The following MICAL3 variants were observed in gnomAD, a reference collection of about 807,000 sequenced individuals.
MICAL3 encodes microtubule associated monooxygenase, calponin and LIM domain containing 3.
MICAL3 carries 62 observed loss-of-function variants against 207.4 expected under a neutral mutation model. The ratio of observed to expected loss-of-function variants is 0.30; its 90% CI spans 0.24 to 0.37. The LOEUF (loss-of-function observed/expected upper bound fraction) is 0.37, where lower values mean the gene tolerates loss of function less well. MICAL3 is among the 10% of genes least tolerant of loss of function. MICAL3 has a pLI of 1.00. For synonymous variants in MICAL3, 1,077 were observed against 1,069.3 expected, an observed-to-expected ratio of 1.01 and a Z score of -0.14; for missense variants, 2,368 against 2,635.6, an observed-to-expected ratio of 0.90 and a Z score of 2.22.
chr22:17,910,299 T>C (rs1334249735), intron 1 of MICAL3, among the ~76,000 whole-genome samples: 1 of 152,148 alleles, frequency 6.6e-6, no homozygotes, highest in Non-Finnish European at 1.5e-5. Context: ...AACAACCCCA[T>C]GGCTGGTTGT....
chr22:17,885,858 A>G lies in MICAL3; in HGVS notation c.2241+20T>C. On this transcript the variant is annotated intron_variant, in intron 16 of 31. Coordinates refer to ENST00000441493, the MANE Select transcript of MICAL3 (RefSeq NM_015241.3). ...GTGATCTGACCAAATCGGTGTGGGC[A>G]GGGCACGGGTTGGGTTTACCTGTCT... 1.2e-6 allele frequency: 2 copies of G among 1,612,424 alleles called. No individual in the cohort carries two copies. Among genetic ancestry groups the G allele is most frequent in the Non-Finnish European group, 1.7e-6 (2 of 1,178,606 alleles).
At chr22:17,923,271 T>G (rs1327574567) in intron 1 of MICAL3, among the ~76,000 whole-genome samples, 1 of 152,194 alleles carries the variant, frequency 6.6e-6, no homozygotes, top group African/African-American at 2.4e-5. Flanking sequence ...CCCTACCCTG[T>G]CCGGAGCATA....
chr22:17,933,334 A>T (rs1202925644), intron 1 of MICAL3, among the ~76,000 whole-genome samples: 3 of 152,236 alleles, frequency 2.0e-5, no homozygotes, highest in Non-Finnish European at 2.9e-5. Context: ...AAACCACACA[A>T]CTACATGGAA....
intron 1 of MICAL3, among the ~76,000 whole-genome samples, chr22:17,982,471 G>A (rs957661784): frequency 4.6e-5 from 7 of 152,174 alleles, no homozygotes; most frequent in African/African-American, 1.7e-4. Flanking sequence ...AGGAGTTCAA[G>A]ACCAGCCTGG....
chr22:17,968,306 C>G (rs59518246), intron 1 of MICAL3, among the ~76,000 whole-genome samples: 7,869 of 152,144 alleles, frequency 0.052, 668 homozygotes, highest in African/African-American at 0.18. Flanking sequence ...GCCTAGCAAC[C>G]TTGCCAGAGC....
At chr22:17,939,220 C>T (rs1569139860) in intron 1 of MICAL3, among the ~76,000 whole-genome samples, 2 of 152,182 alleles carry the variant, frequency 1.3e-5, no homozygotes, top group African/African-American at 2.4e-5. Context: ...CCCCTGACAC[C>T]GCCCCTCAAC....
intron 1 of MICAL3, among the ~76,000 whole-genome samples, chr22:17,997,928 CAA>C (rs35872228): frequency 0.015 from 2,124 of 141,682 alleles, 25 homozygotes; most frequent in Middle Eastern, 0.039. Context: ...CTTCCGCTTC[CAA>C]AAAAAAAAAA....
At chr22:17,882,826 C>T (rs988531716) in intron 16 of MICAL3, among the ~76,000 whole-genome samples, 5 of 152,224 alleles carry the variant, frequency 3.3e-5, no homozygotes, top group African/African-American at 7.2e-5. Flanking sequence ...ACAGAACCTG[C>T]GTTTGACTTT....
intron 20 of MICAL3, among the ~76,000 whole-genome samples, chr22:17,835,979 G>A (rs552387281): frequency 8.5e-5 from 13 of 152,216 alleles, no homozygotes; most frequent in Non-Finnish European, 1.8e-4. Flanking sequence ...ACTGTCCCCC[G>A]GTAAAGCCTC....
intron 1 of MICAL3, among the ~76,000 whole-genome samples, chr22:17,989,019 G>A (rs541535060): frequency 1.3e-5 from 2 of 152,078 alleles, no homozygotes; most frequent in East Asian, 1.9e-4. Context: ...ACTCCTCCCC[G>A]GCTGATCTTG....
intron 1 of MICAL3, among the ~76,000 whole-genome samples, chr22:17,988,728 T>G (rs1775635347): frequency 6.6e-6 from 1 of 152,212 alleles, no homozygotes; most frequent in African/African-American, 2.4e-5. Flanking sequence ...AGTGCTGGGA[T>G]TACAGGCATG....
At chr22:17,965,031 C>T (rs1197003646) in intron 1 of MICAL3, among the ~76,000 whole-genome samples, 1 of 152,110 alleles carries the variant, frequency 6.6e-6, no homozygotes, top group Non-Finnish European at 1.5e-5. Context: ...CAGGTGTCTC[C>T]CACTCCCTGC....
intron 20 of MICAL3, chr22:17,834,484 G>T: frequency 7.9e-7 from 1 of 1,268,940 alleles, no homozygotes; most frequent in African/African-American, 1.5e-5. Context: ...GGGAGGCTGA[G>T]GTGGGTGGAT....
chr22:17,966,011 G>T (rs998670518), intron 1 of MICAL3, among the ~76,000 whole-genome samples: 1 of 152,128 alleles, frequency 6.6e-6, no homozygotes. Flanking sequence ...TGGGCCACAG[G>T]GCACACAGGC....
intron 19 of MICAL3, among the ~76,000 whole-genome samples, chr22:17,858,000 A>T (rs1457906815): frequency 1.3e-5 from 2 of 152,232 alleles, no homozygotes; most frequent in Admixed American, 1.3e-4. Flanking sequence ...ATATTCAGAA[A>T]GTGTTCATAA....
Position 17,899,506 on chromosome 22 carries a change from T to C in MICAL3, c.890A>G (p.His297Arg). 6.2e-7 allele frequency: 1 copy of C among 1,609,426 alleles called. No homozygotes were observed. The highest frequency in any genetic ancestry group is 8.5e-7 in the Non-Finnish European group (1 of 1,177,542). ...CTTTTTGGCTGTCATAACGAAATAG[T>C]GTGTGTCATCTTTGTAGTAAACGAT... ...ENIVYYKDDTHYFVMTAKKQS... is the reference protein window; with the variant it reads ...ENIVYYKDDTRYFVMTAKKQS... The change falls in exon 7 of 32, where the codon CAC (histidine) becomes CGC (arginine). Residue 297 changes from histidine to arginine, a missense_variant. Physicochemically the swap from His to Arg is conservative, Grantham distance 29. This residue lies in a region of MICAL3 where 400 missense variants were observed against 547.0 expected (regional missense o/e 0.73). Coordinates refer to ENST00000441493, the MANE Select transcript of MICAL3 (RefSeq NM_015241.3).
chr22:17,996,854 G>A (rs1416048502), intron 1 of MICAL3, among the ~76,000 whole-genome samples: 1 of 152,134 alleles, frequency 6.6e-6, no homozygotes, highest in Non-Finnish European at 1.5e-5. Context: ...ACCTAAAGCA[G>A]AAACTGAGGG....
At chr22:17,897,298 C>T (rs577419454) in intron 7 of MICAL3, among the ~76,000 whole-genome samples, 33 of 151,728 alleles carry the variant, frequency 2.2e-4, no homozygotes, top group African/African-American at 7.3e-4. Flanking sequence ...TGGTGTGTGC[C>T]GGTAACCCCA....
At chr22:17,966,928 A>T (rs1393585643) in intron 1 of MICAL3, among the ~76,000 whole-genome samples, 1 of 152,242 alleles carries the variant, frequency 6.6e-6, no homozygotes, top group Non-Finnish European at 1.5e-5. Context: ...AGGGAATTCA[A>T]GAAAGTGAAA....
Sources: gnomAD v4.1 joint callset for allele counts (sites outside exome capture counted in the v4.1 genomes callset) on GRCh38, gnomAD v4.1.1 for gene constraint, gnomAD v4.1.1 regional missense constraint, MANE v1.5 for transcripts, NCBI Gene and HGNC (gene_info 2026-07-23, HGNC 2026-07-21) for gene names.